TSHZ2: variants seen among roughly 807,000 people sequenced by gnomAD.
TSHZ2 encodes the protein teashirt zinc finger homeobox 2.
TSHZ2 carries 21 observed loss-of-function variants against 74.4 expected under a neutral mutation model. The ratio of observed to expected loss-of-function variants is 0.28; its 90% CI spans 0.20 to 0.41. TSHZ2 has a LOEUF of 0.41. TSHZ2 is among the 10% of genes least tolerant of loss of function. TSHZ2 has a pLI of 1.00. For synonymous variants in TSHZ2, 540 were observed against 515.3 expected (o/e 1.05, Z -0.65); for missense variants, 1,244 against 1,293.5 (o/e 0.96, Z 0.59).
At chr20:53,140,539 CAAAAAAAAAAAAAA>C (rs34045440) in intron 1 of TSHZ2, among the ~76,000 whole-genome samples, 6 of 79,780 alleles carry the variant, frequency 7.5e-5, no homozygotes, top group African/African-American at 9.7e-5. Flanking sequence ...GACTCCGTCT[CAAAAAAAAAAAAAA>C]AAAAAAAAAA....
At chr20:53,073,296 TCATC>T (rs570436818) in intron 1 of TSHZ2, among the ~76,000 whole-genome samples, 95 of 120,406 alleles carry the variant, frequency 7.9e-4, no homozygotes, top group East Asian at 3.1e-3. Flanking sequence ...ATCCATCCCT[TCATC>T]CATCCATCCA....
chr20:53,284,942 CAG>C (rs1388395261), intron 2 of TSHZ2, among the ~76,000 whole-genome samples: 1 of 152,116 alleles, frequency 6.6e-6, no homozygotes, highest in Non-Finnish European at 1.5e-5. Context: ...TGAAAGGCAG[CAG>C]AGGAAATGAT....
chr20:53,284,977 C>T (rs1991137644), intron 2 of TSHZ2, among the ~76,000 whole-genome samples: 1 of 152,106 alleles, frequency 6.6e-6, no homozygotes, highest in African/African-American at 2.4e-5. Context: ...GGGTCTGTCA[C>T]GAGGGCCGGC....
At chr20:53,328,232 T>C (rs1458168128) in intron 2 of TSHZ2, among the ~76,000 whole-genome samples, 5 of 152,254 alleles carry the variant, frequency 3.3e-5, no homozygotes, top group Non-Finnish European at 7.3e-5. Flanking sequence ...TCATCTGTGC[T>C]GTATTTTATA....
intron 1 of TSHZ2, among the ~76,000 whole-genome samples, chr20:53,246,050 T>TG (rs2050906424): frequency 6.7e-6 from 1 of 150,054 alleles, no homozygotes; most frequent in African/African-American, 2.5e-5. Flanking sequence ...CTTTTTTTTT[T>TG]TTTGTTTGAG....
At chr20:53,236,511 G>T (rs867076111) in intron 1 of TSHZ2, among the ~76,000 whole-genome samples, 2 of 152,194 alleles carry the variant, frequency 1.3e-5, no homozygotes, top group South Asian at 4.1e-4. Flanking sequence ...ATTGGTAATG[G>T]CAGGGCATCA....
rs1394452995 is a variant in TSHZ2, at chr20:53,488,244, A to G, written c.*1109A>G. 1 of 152,232 alleles carries G rather than the reference A, an allele frequency of 6.6e-6. No individual in the cohort carries two copies. The highest frequency in any genetic ancestry group is 1.5e-5 in the Non-Finnish European group (1 of 68,026). The allele number at this position is 152,232 out of a possible 1,614,324, so 9.4% of individuals were successfully genotyped here. On this transcript the variant is annotated 3_prime_UTR_variant, in exon 3 of 3. Coordinates refer to ENST00000371497, the MANE Select transcript of TSHZ2 (RefSeq NM_173485.6). ...TTAAGACATCCATTAAAAGCCCGTT[A>G]AAGTTAATTTAACGTAAAAATTCCA...
At chr20:53,315,127 G>C (rs556035886) in intron 2 of TSHZ2, among the ~76,000 whole-genome samples, 2 of 152,300 alleles carry the variant, frequency 1.3e-5, no homozygotes, top group South Asian at 2.1e-4. Context: ...ATGAAGAAGA[G>C]GAATTAGTAG....
At chr20:53,372,801 C>T (rs753177746) in intron 2 of TSHZ2, among the ~76,000 whole-genome samples, 3 of 152,218 alleles carry the variant, frequency 2.0e-5, no homozygotes, top group Non-Finnish European at 4.4e-5. Context: ...TTTTTAAACC[C>T]GATAGCTCCT....
intron 1 of TSHZ2, among the ~76,000 whole-genome samples, chr20:53,118,424 T>A (rs1394585726): frequency 1.3e-5 from 2 of 151,116 alleles, no homozygotes; most frequent in Non-Finnish European, 3.0e-5. Context: ...GAAAAAAAAA[T>A]AAAACAAAAA....
intron 1 of TSHZ2, among the ~76,000 whole-genome samples, chr20:53,010,396 AAAC>A (rs905314841): frequency 2.7e-4 from 41 of 152,318 alleles, no homozygotes; most frequent in African/African-American, 9.9e-4. Flanking sequence ...AAGCAAAGCA[AAAC>A]AACAACAGCA....
At chr20:53,460,929 C>G (rs532171200) in intron 2 of TSHZ2, among the ~76,000 whole-genome samples, 1 of 152,230 alleles carries the variant, frequency 6.6e-6, no homozygotes, top group Non-Finnish European at 1.5e-5. Flanking sequence ...CTGGGAGAAC[C>G]ACTGCTCTCT....
At chr20:53,280,732 G>T (rs548708405) in intron 2 of TSHZ2, among the ~76,000 whole-genome samples, 1 of 151,720 alleles carries the variant, frequency 6.6e-6, no homozygotes, top group Non-Finnish European at 1.5e-5. Context: ...TCTAGCTGTC[G>T]TCCAGGCTGG....
intron 2 of TSHZ2, among the ~76,000 whole-genome samples, chr20:53,357,197 A>G (rs1980878289): frequency 6.6e-6 from 1 of 152,212 alleles, no homozygotes; most frequent in African/African-American, 2.4e-5. Context: ...AATAATCACT[A>G]TTACATAGGA....
intron 1 of TSHZ2, among the ~76,000 whole-genome samples, chr20:53,146,716 C>T (rs1422114221): frequency 6.6e-6 from 1 of 152,116 alleles, no homozygotes; most frequent in African/African-American, 2.4e-5. Context: ...TTAGGCTCCC[C>T]ATTGGTAGGC....
chr20:53,363,799 G>A lies in TSHZ2; in HGVS notation c.*8+107228G>A, dbSNP rs772743370. On this transcript the variant is annotated intron_variant, in intron 2 of 2. Transcript: ENST00000371497. The stretch of plus-strand genomic sequence containing the variant: ...CTGTGCTCCAGCCTGAGTAACAAGC[G>A]AGACCCTGTCTCAACAACAACATCA... Among the ~76,000 whole-genome samples the A allele has an allele frequency of 1.2e-4, 19 of 152,264 alleles. 1 individual carries two copies. Among genetic ancestry groups the A allele is most frequent in the Admixed American group, 7.8e-4 (12 of 15,300 alleles).
chr20:53,055,661 C>G (rs1984616468), intron 1 of TSHZ2, among the ~76,000 whole-genome samples: 1 of 152,098 alleles, frequency 6.6e-6, no homozygotes, highest in Admixed American at 6.5e-5. Flanking sequence ...ATTTCCATGG[C>G]TGGACCCTTC....
At chr20:53,034,989 G>A (rs1983766095) in intron 1 of TSHZ2, among the ~76,000 whole-genome samples, 1 of 152,220 alleles carries the variant, frequency 6.6e-6, no homozygotes, top group South Asian at 2.1e-4. Flanking sequence ...AGGAAGGCAA[G>A]TAAGGAGACT....
At chr20:53,094,101 C>T (rs1225038777) in intron 1 of TSHZ2, among the ~76,000 whole-genome samples, 1 of 151,872 alleles carries the variant, frequency 6.6e-6, no homozygotes, top group Non-Finnish European at 1.5e-5. Context: ...CAGCCATGCC[C>T]ATTTATTACT....
Sources: allele counts gnomAD v4.1 joint callset (sites outside exome capture counted in the v4.1 genomes callset), GRCh38; gene constraint gnomAD v4.1.1; transcripts MANE v1.5; gene names NCBI Gene and HGNC (gene_info 2026-07-23, HGNC 2026-07-21).